Variants in ANKS6 observed in about 807,000 individuals in gnomAD.
ANKS6 encodes ankyrin repeat and SAM domain-containing protein 6.
Under a neutral mutation model 77.9 loss-of-function variants are expected in ANKS6, and 47 were observed. The observed-to-expected ratio is 0.60, with a 90% CI of 0.48 to 0.77. ANKS6 has a LOEUF of 0.77. Ranked by LOEUF, ANKS6 falls within the 30% of genes least tolerant of loss-of-function variation. ANKS6 has a pLI of 0.00. For missense variants in ANKS6, 1,150 were observed against 1,159.1 expected (o/e 0.99, Z 0.11); for synonymous variants, 488 against 501.7 (o/e 0.97, Z 0.37).
At chr9:98,756,870 CG>C (rs1262908516) in intron 11 of ANKS6, among the ~76,000 whole-genome samples, 1 of 151,480 alleles carries the variant, frequency 6.6e-6, no homozygotes, top group Admixed American at 6.6e-5. Flanking sequence ...CACCCCGCCC[CG>C]CTCCCCCAAT....
In ANKS6 at chr9:98,756,542, G is replaced by A; in HGVS notation, c.2204C>T (p.Pro735Leu). The A allele has an allele frequency of 6.3e-7, 1 of 1,592,956 alleles. No homozygotes were observed. The highest frequency in any genetic ancestry group is 8.5e-7 in the Non-Finnish European group (1 of 1,171,938). Residue 735 changes from proline to leucine, a missense_variant, in exon 12 of 15, where the codon CCA (proline) becomes CTA (leucine). Transcript: ENST00000353234. ...GGGTGAGGGGGAGGGCGTGAGGGTTGGAGAGGTGCTCTTGGAGGTAGTGGA... is the reference window on the plus strand; with the variant it reads ...GGGTGAGGGGGAGGGCGTGAGGGTTAGAGAGGTGCTCTTGGAGGTAGTGGA... Reference protein sequence around the residue: ...GTSTTSKSTSPTLTPSPSPKG... With the variant: ...GTSTTSKSTSLTLTPSPSPKG...
At chr9:98,751,185 T>C in intron 12 of ANKS6, 89 bp from the exon 13 acceptor site, 1 of 1,035,036 alleles carries the variant, frequency 9.7e-7, no homozygotes, top group Non-Finnish European at 1.4e-6. Flanking sequence ...GGTAATCTTA[T>C]TTCAAATGAA....
At chr9:98,774,685 C>T (rs180784267) in intron 8 of ANKS6, among the ~76,000 whole-genome samples, 1 of 152,314 alleles carries the variant, frequency 6.6e-6, no homozygotes, top group East Asian at 1.9e-4. Flanking sequence ...TCCAGCCACG[C>T]CTCCTGCTGC....
intron 1 of ANKS6, among the ~76,000 whole-genome samples, chr9:98,794,043 C>T (rs543123925): frequency 8.1e-5 from 12 of 147,394 alleles, no homozygotes; most frequent in African/African-American, 2.5e-4. Context: ...CCAGCTACTC[C>T]GGAGGCTGAG....
At chr9:98,748,536 G>A (rs537382658) in intron 13 of ANKS6, among the ~76,000 whole-genome samples, 47 of 152,222 alleles carry the variant, frequency 3.1e-4, no homozygotes, top group South Asian at 2.1e-3. Context: ...AGACTGTGTG[G>A]GACTTTGGGG....
At chr9:98,763,109 G>A (rs1178742483) in intron 11 of ANKS6, among the ~76,000 whole-genome samples, 2 of 152,058 alleles carry the variant, frequency 1.3e-5, no homozygotes, top group African/African-American at 4.8e-5. Flanking sequence ...TAGAAGACAT[G>A]AACAACAGTA....
Position 98,783,961 on chromosome 9 carries a change from G to T in ANKS6, c.1104C>A (p.Thr368=). ...GTGGGGCTGGCACTGACCCATGGTA[G>T]GTTGCCTGCATGAGGGCCGTCCAGC... ...VHGWTALMQA[T]YHGNKEIVKY... The change falls in exon 4 of 15, where the codon ACC becomes ACA. Residue 368 remains threonine (T), a synonymous_variant. Coordinates refer to ENST00000353234, the MANE Select transcript of ANKS6 (RefSeq NM_173551.5). 2 of 1,593,346 alleles carry T rather than the reference G, an allele frequency of 1.3e-6. No individual in the cohort carries two copies.
At chr9:98,753,902 T>C (rs1250614608) in intron 12 of ANKS6, among the ~76,000 whole-genome samples, 1 of 152,190 alleles carries the variant, frequency 6.6e-6, no homozygotes, top group Non-Finnish European at 1.5e-5. Context: ...TCGAAGTTCA[T>C]GTAATTTGTA....
intron 11 of ANKS6, 47 bp downstream of exon 11, chr9:98,768,034 A>C (rs753569405): frequency 6.4e-7 from 1 of 1,561,384 alleles, no homozygotes; most frequent in Non-Finnish European, 8.7e-7. Flanking sequence ...CCCATGTTAG[A>C]ACAGAATCTG....
At chr9:98,767,012 C>T (rs978505698) in intron 11 of ANKS6, among the ~76,000 whole-genome samples, 9 of 152,194 alleles carry the variant, frequency 5.9e-5, no homozygotes, top group East Asian at 1.9e-4. Flanking sequence ...CTCACACTCA[C>T]GACTAGGAAC....
intron 11 of ANKS6, among the ~76,000 whole-genome samples, chr9:98,761,399 A>G (rs959220783): frequency 6.6e-6 from 1 of 152,196 alleles, no homozygotes; most frequent in Admixed American, 6.5e-5. Flanking sequence ...CCTCCCGAGT[A>G]GTTGGGACCA....
chr9:98,790,860 T>G (rs954327459), intron 1 of ANKS6, among the ~76,000 whole-genome samples: 2 of 152,224 alleles, frequency 1.3e-5, no homozygotes, highest in Non-Finnish European at 2.9e-5. Context: ...TTTGATTTCT[T>G]TGTGCCTTCA....
At chr9:98,771,918 G>A (rs949377243) in intron 9 of ANKS6, among the ~76,000 whole-genome samples, 141 of 152,134 alleles carry the variant, frequency 9.3e-4, no homozygotes, top group African/African-American at 2.0e-3. Flanking sequence ...CATTTACTGC[G>A]GTTGCCTGTG....
At chr9:98,763,285 C>T (rs926043900) in intron 11 of ANKS6, among the ~76,000 whole-genome samples, 1 of 151,898 alleles carries the variant, frequency 6.6e-6, no homozygotes, top group Non-Finnish European at 1.5e-5. Flanking sequence ...AGGGATAGAA[C>T]TAGAAACAGA....
intron 2 of ANKS6, among the ~76,000 whole-genome samples, chr9:98,785,199 T>C (rs1165561891): frequency 6.6e-6 from 1 of 152,248 alleles, no homozygotes; most frequent in Non-Finnish European, 1.5e-5. Flanking sequence ...CTGAAAAGTC[T>C]TGGGGTCTTA....
Position 98,736,399 on chromosome 9 carries a change from G to A in ANKS6, c.*120C>T, listed in dbSNP as rs905084216. The A allele has an allele frequency of 1.9e-5, 28 of 1,437,708 alleles. No homozygotes were observed. The highest frequency in any genetic ancestry group is 2.5e-5 in the Non-Finnish European group (27 of 1,096,940). The allele number at this position is 1,437,708 out of a possible 1,614,324, so 89.1% of individuals were successfully genotyped here. A position where few individuals can be genotyped will look rare whatever the true frequency, so the allele number is the denominator to read the frequency against. ...GCCGTCGACGTGAAGTGGGCATCCC[G>A]AGCAAAGGGAACAACATGACTAAGG... On this transcript the variant is annotated 3_prime_UTR_variant, in exon 15 of 15. Transcript: ENST00000353234.
intron 2 of ANKS6, among the ~76,000 whole-genome samples, chr9:98,787,676 A>G (rs1834649786): frequency 6.6e-6 from 1 of 152,122 alleles, no homozygotes; most frequent in African/African-American, 2.4e-5. Context: ...TACAGGCCTG[A>G]TCTTACTATT....
At chr9:98,746,779 C>T (rs1217974271) in intron 13 of ANKS6, among the ~76,000 whole-genome samples, 2 of 152,162 alleles carry the variant, frequency 1.3e-5, no homozygotes, top group African/African-American at 2.4e-5. Context: ...ACTTGACCTT[C>T]CCTAAGCATT....
chr9:98,732,793 T>C lies in ANKS6; in HGVS notation c.*3726A>G. ...CACTAGGTCTATGTCCAGTGCTCTT[T>C]CCAGGGTAACAGGTTGCTTCTACTC... On this transcript the variant is annotated 3_prime_UTR_variant, in exon 15 of 15. Coordinates refer to ENST00000353234, the MANE Select transcript of ANKS6 (RefSeq NM_173551.5). 1 of 1,355,506 alleles carries C rather than the reference T, an allele frequency of 7.4e-7. No individual in the cohort carries two copies. Among genetic ancestry groups the C allele is most frequent in the Non-Finnish European group, 9.5e-7 (1 of 1,055,372 alleles). The allele number at this position is 1,355,506 out of a possible 1,614,324, so 84.0% of individuals were successfully genotyped here. A position where few individuals can be genotyped will look rare whatever the true frequency, so the allele number is the denominator to read the frequency against.
Sources: gnomAD v4.1 joint callset for allele counts (sites outside exome capture counted in the v4.1 genomes callset) on GRCh38, gnomAD v4.1.1 for gene constraint, MANE v1.5 for transcripts, NCBI Gene and HGNC (gene_info 2026-07-23, HGNC 2026-07-21) for gene names.